PAXIP1: variants seen among roughly 807,000 people sequenced by gnomAD.
PAXIP1 encodes the protein PAX interacting protein 1.
Under a neutral mutation model 140.6 loss-of-function variants are expected in PAXIP1, and 19 were observed. The ratio of observed to expected loss-of-function variants is 0.14; its 90% CI spans 0.09 to 0.20. PAXIP1 has a LOEUF of 0.20. Among genes scored for constraint, PAXIP1 ranks in the 10% least tolerant of loss-of-function variants. The probability of loss-of-function intolerance (pLI) is 1.00; values close to 1 mark genes in which losing one functional copy is unlikely to be tolerated. For synonymous variants in PAXIP1, 442 were observed against 444.6 expected, an observed-to-expected ratio of 0.99 and a Z score of 0.07; for missense variants, 920 against 1,208.6, an observed-to-expected ratio of 0.76 and a Z score of 3.54.
intron 10 of PAXIP1, 69 bp downstream of exon 10, chr7:154,962,252 A>C: frequency 6.4e-7 from 1 of 1,567,972 alleles, no homozygotes; most frequent in East Asian, 2.2e-5. Flanking sequence ...TCAGGTAAGC[A>C]CTAGCAAGTG....
At chr7:154,984,680 A>G (rs1809989717) in intron 4 of PAXIP1, among the ~76,000 whole-genome samples, 1 of 152,228 alleles carries the variant, frequency 6.6e-6, no homozygotes, top group South Asian at 2.1e-4. Flanking sequence ...TATTTTTATT[A>G]GAGGCTTTCA....
chr7:154,950,616 AT>A (rs1808230176), intron 16 of PAXIP1: 1 of 152,250 alleles, frequency 6.6e-6, no homozygotes, highest in South Asian at 2.1e-4. Context: ...TGATCAAGCA[AT>A]TGCAACCTTG....
At position 154,956,481 on chromosome 7, in the gene PAXIP1, G is replaced by C. The variant is rs1404211492; in HGVS notation, c.2549+743C>G. 1 of 152,146 alleles carries C rather than the reference G, an allele frequency of 6.6e-6. No individual in the cohort carries two copies. Among genetic ancestry groups the C allele is most frequent in the African/African-American group, 2.4e-5 (1 of 41,420 alleles). The allele number at this position is 152,146 out of a possible 1,614,324, so 9.4% of individuals were successfully genotyped here. A position where few individuals can be genotyped will look rare whatever the true frequency, so the allele number is the denominator to read the frequency against. ...ACAGTCTGGAAAGAAGAGTTTTCTAGAATCAAGGAAGAAAATAAAAGCTCT... is the reference window on the plus strand; with the variant it reads ...ACAGTCTGGAAAGAAGAGTTTTCTACAATCAAGGAAGAAAATAAAAGCTCT... On this transcript the variant is annotated intron_variant, in intron 14 of 20. Transcript: ENST00000404141. The surrounding 1 kb of genome is among the most constrained non-coding windows in gnomAD (Gnocchi z 4.2).
chr7:154,952,369 T>G (rs752860596), intron 16 of PAXIP1, among the ~76,000 whole-genome samples: 26 of 152,348 alleles, frequency 1.7e-4, no homozygotes, highest in Non-Finnish European at 3.7e-4. Flanking sequence ...AACAAGGCCA[T>G]GCCTTGCCTT....
Position 154,944,220 on chromosome 7 carries a change from C to G in PAXIP1, c.3195-56G>C, listed in dbSNP as rs531298046. The stretch of plus-strand genomic sequence containing the variant: ...CACAAGGCAAAAGAAAAACATGAAA[C>G]CAAGGGTTCCAACATTCATCATCCA... On this transcript the variant is annotated intron_variant, in intron 20 of 20. Transcript: ENST00000404141. 249 of 1,499,066 alleles carry G rather than the reference C, an allele frequency of 1.7e-4. 1 individual carries two copies. The Admixed American group carries it at 4.4e-3, about 26-fold the overall frequency. The allele number at this position is 1,499,066 out of a possible 1,614,324, so 92.9% of individuals were successfully genotyped here.
chr7:154,965,884 C>T (rs1039727959), intron 8 of PAXIP1, among the ~76,000 whole-genome samples: 5 of 152,148 alleles, frequency 3.3e-5, no homozygotes, highest in Non-Finnish European at 5.9e-5. Flanking sequence ...CAGGGGTCAG[C>T]GGTACATGTC....
Position 154,976,260 on chromosome 7 carries a change from T to A in PAXIP1, c.510A>T (p.Val170=). The part of the protein sequence containing the change: ...IVTPDWVLDC[V]SEKTKKDEAF... Reference sequence around the variant, plus strand: ...CTTCGTCCTTTTTGGTTTTCTCTGATACGCAATCCAGAACCCAGTCAGGAG... The same window carrying A: ...CTTCGTCCTTTTTGGTTTTCTCTGAAACGCAATCCAGAACCCAGTCAGGAG... The change falls in exon 6 of 21, where the codon GTA becomes GTT. Residue 170 remains valine (V), a synonymous_variant. Transcript: ENST00000404141. 2 of 1,613,990 alleles carry A rather than the reference T, an allele frequency of 1.2e-6. No homozygotes were observed. The highest frequency in any genetic ancestry group is 1.7e-6 in the Non-Finnish European group (2 of 1,179,886).
chr7:154,998,870 A>G, intron 1 of PAXIP1, 86 bp from the exon 2 acceptor site: 1 of 1,173,154 alleles, frequency 8.5e-7, no homozygotes, highest in Non-Finnish European at 1.2e-6. Flanking sequence ...TGGGCATAAT[A>G]GTACTTTTTA....
At chr7:154,978,057 A>T (rs1196379695) in intron 5 of PAXIP1, among the ~76,000 whole-genome samples, 1 of 151,776 alleles carries the variant, frequency 6.6e-6, no homozygotes, top group Non-Finnish European at 1.5e-5. Context: ...ATCTTTTACA[A>T]ATCTTGCTTC....
intron 7 of PAXIP1, 92 bp downstream of exon 7, chr7:154,968,311 T>C: frequency 9.8e-7 from 1 of 1,021,046 alleles, no homozygotes. Flanking sequence ...ATTGTTTTGA[T>C]ATGAATCCTC....
intron 8 of PAXIP1, among the ~76,000 whole-genome samples, chr7:154,966,467 T>C (rs987087748): frequency 1.3e-5 from 2 of 152,226 alleles, no homozygotes; most frequent in East Asian, 1.9e-4. Flanking sequence ...TTGCCTTCAT[T>C]TTCTCTGTTC....
chr7:154,968,586 G>T lies in PAXIP1; in HGVS notation c.1615C>A (p.Arg539Ser). Residue 539 changes from arginine (R) to serine (S), a missense_variant, in exon 7 of 21, where the codon CGC becomes AGC. This residue lies in a region of PAXIP1 where 133 missense variants were observed against 88.4 expected (regional missense o/e 1.50). Coordinates refer to ENST00000404141, the MANE Select transcript of PAXIP1 (RefSeq NM_007349.4). ...QQQIQQQQLQ[R>S]MHQQQQQQQM... ...TGCTGCTGCTGCTGCTGGTGCATGCGCTGGAGCTGCTGCTGCTGAATCTGC... is the reference window on the plus strand; with the variant it reads ...TGCTGCTGCTGCTGCTGGTGCATGCTCTGGAGCTGCTGCTGCTGAATCTGC... 1 of 717,118 alleles carries T rather than the reference G, an allele frequency of 1.4e-6. No homozygotes were observed. 44.4% of individuals were successfully genotyped at this position (717,118 alleles called of 1,614,324 possible). A position where few individuals can be genotyped will look rare whatever the true frequency, so the allele number is the denominator to read the frequency against.
chr7:154,968,464 TTGC>T lies in PAXIP1; in HGVS notation c.1734_1736del (p.Gln581del), dbSNP rs752984489. ...GCTGAGGCGATGGTGGTGGCTGCTG[TTGC>T]TGCTGCTGCTGCGGGGGCTGCTGAG... On this transcript the variant is annotated inframe_deletion, in exon 7 of 21. Coordinates refer to ENST00000404141, the MANE Select transcript of PAXIP1 (RefSeq NM_007349.4). 103 of 1,399,228 alleles carry T rather than the reference TTGC, an allele frequency of 7.4e-5. No individual in the cohort carries two copies. Among genetic ancestry groups the T allele is most frequent in the Non-Finnish European group, 9.1e-5 (92 of 1,007,968 alleles). 86.7% of individuals were successfully genotyped at this position (1,399,228 alleles called of 1,614,324 possible).
chr7:154,945,070 CCCTGCCTCCCAGGTTCAAGTGATTCT>C (rs1807888761), intron 20 of PAXIP1: 1 of 151,724 alleles, frequency 6.6e-6, no homozygotes, highest in East Asian at 2.0e-4. Context: ...TCACTGCAAC[CCCTGCCTCCCAGGTTCAAGTGATTCT>C]CCTGCCTCAC....
At chr7:154,996,053 T>C (rs563108176) in intron 2 of PAXIP1, among the ~76,000 whole-genome samples, 5 of 152,338 alleles carry the variant, frequency 3.3e-5, no homozygotes, top group African/African-American at 1.2e-4. Flanking sequence ...TTAAAATGCA[T>C]TGTCAAACTT....
chr7:154,998,566 T>G (rs778389278), intron 2 of PAXIP1, 84 bp downstream of exon 2: 4 of 871,490 alleles, frequency 4.6e-6, no homozygotes, highest in Non-Finnish European at 6.7e-6. Context: ...GCAAAAACCC[T>G]GAAAAGAGCT....
Position 154,973,297 on chromosome 7 carries a change from T to C in PAXIP1, c.1074+2399A>G, listed in dbSNP as rs893943. ...CAAGGTGACATGGAGCGGTGGGCACTGAAGCAGGCCCAAGAGCTCCTAACG... is the reference window on the plus strand; with the variant it reads ...CAAGGTGACATGGAGCGGTGGGCACCGAAGCAGGCCCAAGAGCTCCTAACG... On this transcript the variant is annotated intron_variant, in intron 6 of 20. Coordinates refer to ENST00000404141, the MANE Select transcript of PAXIP1 (RefSeq NM_007349.4). The surrounding 1 kb of genome is among the most constrained non-coding windows in gnomAD (Gnocchi z 4.0). Among the ~76,000 whole-genome samples the C allele has an allele frequency of 0.55, 83,596 of 151,734 alleles. 23,595 individuals are homozygous for C. Among genetic ancestry groups the C allele is most frequent in the Admixed American group, 0.64 (9,817 of 15,240 alleles).
At chr7:154,972,996 T>C (rs906278369) in intron 6 of PAXIP1, among the ~76,000 whole-genome samples, 1 of 152,244 alleles carries the variant, frequency 6.6e-6, no homozygotes, top group African/African-American at 2.4e-5. Flanking sequence ...CCTGTGGCTT[T>C]ATCCCGCCCA....
intron 2 of PAXIP1, among the ~76,000 whole-genome samples, chr7:154,996,613 G>A (rs896515725): frequency 6.6e-6 from 1 of 152,110 alleles, no homozygotes; most frequent in East Asian, 1.9e-4. Context: ...CCACTTGTGG[G>A]GTATGATATC....
Sources: allele counts gnomAD v4.1 joint callset (sites outside exome capture counted in the v4.1 genomes callset), GRCh38; gene constraint gnomAD v4.1.1; regional missense constraint gnomAD v4.1.1; non-coding constraint Gnocchi (gnomAD v3.1); transcripts MANE v1.5; gene names NCBI Gene and HGNC (gene_info 2026-07-23, HGNC 2026-07-21).